Variants in HERC1 observed in about 807,000 individuals in gnomAD.
HERC1 encodes the protein HECT and RLD domain containing E3 ubiquitin protein ligase family member 1.
In HERC1, 160 loss-of-function variants were observed where a neutral mutation model predicts 554.3. The observed-to-expected ratio is 0.29, with a 90% confidence interval of 0.25 to 0.33. The LOEUF (loss-of-function observed/expected upper bound fraction) is 0.33. HERC1 is among the 10% of genes least tolerant of loss of function. HERC1 has a pLI of 1.00. For missense variants in HERC1, 4,919 were observed against 5,918.5 expected (o/e 0.83, Z 5.54); for synonymous variants, 2,175 against 2,131.7 (o/e 1.02, Z -0.56).
chr15:63,735,056 C>A (rs1397901548), intron 12 of HERC1, among the ~76,000 whole-genome samples: 1 of 152,140 alleles, frequency 6.6e-6, no homozygotes, highest in Admixed American at 6.5e-5. Context: ...AGCTAATCAT[C>A]ACCTAACAAA....
intron 76 of HERC1, among the ~76,000 whole-genome samples, chr15:63,614,499 C>T (rs2067732159): frequency 6.6e-6 from 1 of 152,206 alleles, no homozygotes; most frequent in Non-Finnish European, 1.5e-5. Flanking sequence ...GCATCACTGA[C>T]AAGACCCAAC....
At chr15:63,715,399 C>G (rs1228895608) in intron 22 of HERC1, among the ~76,000 whole-genome samples, 3 of 152,214 alleles carry the variant, frequency 2.0e-5, no homozygotes, top group African/African-American at 7.2e-5. Flanking sequence ...TTATATTCAA[C>G]TGCAAAAGTT....
chr15:63,634,098 A>G, intron 66 of HERC1, 128 bp from the exon 67 acceptor site: 2 of 959,276 alleles, frequency 2.1e-6, no homozygotes, highest in Non-Finnish European at 3.1e-6. Flanking sequence ...CAATGGTTTC[A>G]GAGCATACTA....
Position 63,612,588 on chromosome 15 carries a change from G to A in HERC1, c.14095-32C>T. 1.3e-6 allele frequency: 2 copies of A among 1,593,876 alleles called. No individual in the cohort carries two copies. The highest frequency in any genetic ancestry group is 1.7e-6 in the Non-Finnish European group (2 of 1,169,126). Reference sequence around the variant, plus strand: ...CCGGGAGAGGTTGCTCATTCAATGAGTGTGCGTGAACCTGGCACCCACCAA... The same window carrying A: ...CCGGGAGAGGTTGCTCATTCAATGAATGTGCGTGAACCTGGCACCCACCAA... On this transcript the variant is annotated intron_variant, in intron 76 of 77. Transcript: ENST00000443617. The surrounding 1 kb of genome is among the most constrained non-coding windows in gnomAD (Gnocchi z 5.0).
At chr15:63,739,531 A>T (rs1318362850) in intron 12 of HERC1, among the ~76,000 whole-genome samples, 2 of 152,004 alleles carry the variant, frequency 1.3e-5, no homozygotes, top group Non-Finnish European at 2.9e-5. Context: ...CTTACTCTGC[A>T]CATTACATAC....
chr15:63,612,568 A>AGAG lies in HERC1; in HGVS notation c.14095-15_14095-13dup. 6.2e-7 allele frequency: 1 copy of AGAG among 1,608,642 alleles called. No homozygotes were observed. The highest frequency in any genetic ancestry group is 8.5e-7 in the Non-Finnish European group (1 of 1,176,970). ...CGGACTGCAGCCACCTGCTCCCGGG[A>AGAG]GAGGTTGCTCATTCAATGAGTGTGC... On this transcript the variant is annotated splice_polypyrimidine_tract_variant and intron_variant, in intron 76 of 77. Coordinates refer to ENST00000443617, the MANE Select transcript of HERC1 (RefSeq NM_003922.4). The surrounding 1 kb of genome is among the most constrained non-coding windows in gnomAD (Gnocchi z 5.0).
In HERC1 at chr15:63,631,859, G is replaced by T. The variant is rs575082440; in HGVS notation, c.12796+850C>A. Among the ~76,000 whole-genome samples, 10 of 152,132 alleles carry T rather than the reference G, an allele frequency of 6.6e-5. No homozygotes were observed. In the South Asian group the frequency reaches 2.1e-3, roughly 32 times the overall value. ...CCCGGCCCTCCCAAGTCTTATTCCT[G>T]TGCCCACCTGCCCTTTACATCACAT... is the stretch of plus-strand genomic sequence containing the variant. On this transcript the variant is annotated intron_variant, in intron 68 of 77. Transcript: ENST00000443617.
Position 63,747,853 on chromosome 15 carries a change from A to G in HERC1, c.2225T>C (p.Val742Ala). Residue 742 changes from valine to alanine, a missense_variant, in exon 11 of 78, where the codon GTT (valine) becomes GCT (alanine). Val to Ala is a moderately conservative substitution (Grantham distance 64). Transcript: ENST00000443617. ...AWTALPRDRQ[V>A]VAWHRPYCVD... ...ACAATAAGGTCGGTGCCATGCAACA[A>G]CTTGTCTAGAAGGACACATAAGAAA... 6.5e-7 allele frequency: 1 copy of G among 1,547,662 alleles called. No individual in the cohort carries two copies. The highest frequency in any genetic ancestry group is 8.7e-7 in the Non-Finnish European group (1 of 1,145,216).
intron 1 of HERC1, among the ~76,000 whole-genome samples, chr15:63,799,911 G>A (rs1208689002): frequency 2.0e-5 from 3 of 152,032 alleles, no homozygotes; most frequent in Admixed American, 6.6e-5. Context: ...ATCACTTGAG[G>A]CTAGGAGTTT....
At position 63,612,309 on chromosome 15, in the gene HERC1, C is replaced by T; in HGVS notation, c.14342G>A (p.Arg4781Gln). Residue 4781 changes from arginine (R) to glutamine (Q), a missense_variant, in exon 77 of 78, where the codon CGA becomes CAA. This residue lies in a region of HERC1 where 5 missense variants were observed against 16.1 expected (regional missense o/e 0.31). Coordinates refer to ENST00000443617, the MANE Select transcript of HERC1 (RefSeq NM_003922.4). This position sits in a 1 kb window ranked among gnomAD's most constrained non-coding sequence, Gnocchi z 5.0. ...AATGTCAGCAGTGTTGGCTGGTAGT[C>T]GAGATCTTCCTGACACAAACCTCAT... ...LFMRFVSGRSRLPANTADISQ... is the reference protein window; with the variant it reads ...LFMRFVSGRSQLPANTADISQ... The T allele has an allele frequency of 1.9e-6, 3 of 1,613,720 alleles. No individual in the cohort carries two copies. The highest frequency in any genetic ancestry group is 1.7e-4 in the Middle Eastern group (1 of 6,060).
rs2070804466 is a variant in HERC1, at chr15:63,669,660, G to C, written c.8084C>G (p.Pro2695Arg). 6.2e-7 allele frequency: 1 copy of C among 1,613,920 alleles called. No individual in the cohort carries two copies. Among genetic ancestry groups the C allele is most frequent in the East Asian group, 2.2e-5 (1 of 44,884 alleles). Residue 2695 changes from proline (P) to arginine (R), a missense_variant, in exon 40 of 78, where the codon CCC becomes CGC. By Grantham distance (103) the Pro-to-Arg change is moderately radical (BLOSUM62 -2). Around this residue, in one of 11 missense-constraint regions of HERC1, gnomAD observed 1,963 missense variants for 2,228.6 expected, o/e 0.88. Transcript: ENST00000443617. ...TGGAGGAGTCTGTGCCCGACGTGTG[G>C]GAAGTACAGTGGTAGTTGGGTAACT... ...FSSYPTTTVL[P>R]TRRAQTPPIS...
intron 14 of HERC1, among the ~76,000 whole-genome samples, chr15:63,731,401 G>A (rs2074285736): frequency 6.6e-6 from 1 of 152,184 alleles, no homozygotes; most frequent in African/African-American, 2.4e-5. Context: ...AAAGCAGTTA[G>A]TATTTTATTT....
chr15:63,672,449 G>A, intron 39 of HERC1, 47 bp downstream of exon 39: 1 of 1,388,316 alleles, frequency 7.2e-7, no homozygotes, highest in Non-Finnish European at 9.9e-7. Context: ...TGTGCCTTCA[G>A]AAACACAGGC....
intron 1 of HERC1, among the ~76,000 whole-genome samples, chr15:63,796,399 A>G (rs533898407): frequency 1.6e-4 from 25 of 152,358 alleles, no homozygotes; most frequent in African/African-American, 5.8e-4. Flanking sequence ...TAAACTCACA[A>G]AACTGAAACC....
At chr15:63,811,962 G>A (rs1245791853) in intron 1 of HERC1, among the ~76,000 whole-genome samples, 1 of 152,114 alleles carries the variant, frequency 6.6e-6, no homozygotes, top group Non-Finnish European at 1.5e-5. Flanking sequence ...ATTCCCAGGA[G>A]TATCTGTATT....
chr15:63,733,108 T>A lies in HERC1; in HGVS notation c.2684A>T (p.Asp895Val). 1 of 1,613,794 alleles carries A rather than the reference T, an allele frequency of 6.2e-7. No homozygotes were observed. ...QLDIILTSLQDHTHVASLLGY... is the reference protein window; with the variant it reads ...QLDIILTSLQVHTHVASLLGY... The stretch of plus-strand genomic sequence containing the variant: ...AAGTAGGGAGGCTACGTGGGTATGA[T>A]CTTGCAAACTTGTCAGGATGATATC... Residue 895 changes from aspartate to valine, a missense_variant, in exon 14 of 78, where the codon GAT becomes GTT. Asp to Val is a radical substitution (Grantham distance 152, BLOSUM62 -3). Transcript: ENST00000443617.
At chr15:63,810,076 C>T (rs2077254679) in intron 1 of HERC1, among the ~76,000 whole-genome samples, 1 of 152,112 alleles carries the variant, frequency 6.6e-6, no homozygotes, top group South Asian at 2.1e-4. Context: ...GGAAGATCTA[C>T]AATTATTTGG....
rs370637638 is a variant in HERC1, at chr15:63,634,041, T to C, written c.12571-71A>G. ...ACACACTCCCCCGTTTCTGGGACCC[T>C]TTTTCTCTACTTCAGTGAAAAACTT... is the stretch of plus-strand genomic sequence containing the variant. On this transcript the variant is annotated intron_variant, in intron 66 of 77. Coordinates refer to ENST00000443617, the MANE Select transcript of HERC1 (RefSeq NM_003922.4). 1.4e-3 allele frequency: 2,129 copies of C among 1,535,634 alleles called. 44 individuals are homozygous for C. In the South Asian group the frequency reaches 0.024, roughly 17 times the overall value.
chr15:63,689,774 T>G, intron 32 of HERC1, 75 bp from the exon 33 acceptor site: 1 of 807,728 alleles, frequency 1.2e-6, no homozygotes, highest in Non-Finnish European at 2.0e-6. Context: ...TGTATCATGT[T>G]AACTGTAATA....
Sources: allele counts gnomAD v4.1 joint callset (sites outside exome capture counted in the v4.1 genomes callset), GRCh38; gene constraint gnomAD v4.1.1; regional missense constraint gnomAD v4.1.1; non-coding constraint Gnocchi (gnomAD v3.1); transcripts MANE v1.5; gene names NCBI Gene and HGNC (gene_info 2026-07-23, HGNC 2026-07-21).